SMCHD1: variants seen among roughly 807,000 people sequenced by gnomAD.
The protein encoded by SMCHD1 is structural maintenance of chromosomes flexible hinge domain containing 1, also known as structural maintenance of chromosomes flexible hinge domain-containing protein 1.
Under a neutral mutation model 254.7 loss-of-function variants are expected in SMCHD1, and 78 were observed. That is an observed-to-expected ratio of 0.31 (90% CI 0.26 to 0.37). The LOEUF (loss-of-function observed/expected upper bound fraction) is 0.37. SMCHD1 is among the 10% of genes least tolerant of loss of function. SMCHD1 has a pLI of 1.00. For missense variants in SMCHD1, 1,840 were observed against 2,408.1 expected (o/e 0.76, Z 4.94); for synonymous variants, 766 against 794.9 (o/e 0.96, Z 0.61).
At chr18:2,793,663 AAAAAAAAAG>A (rs935478377) in intron 45 of SMCHD1, among the ~76,000 whole-genome samples, 1 of 143,152 alleles carries the variant, frequency 7.0e-6, no homozygotes, top group African/African-American at 2.6e-5. Context: ...TCTCAAAAAA[AAAAAAAAAG>A]AAAGAAAACA....
At position 2,750,480 on chromosome 18, in the gene SMCHD1, T is replaced by C; in HGVS notation, c.4138T>C (p.Ser1380Pro). The C allele has an allele frequency of 6.2e-7, 1 of 1,606,572 alleles. No homozygotes were observed. The highest frequency in any genetic ancestry group is 8.5e-7 in the Non-Finnish European group (1 of 1,175,964). ...CAATGTTAAATATGACAAAGATGCA[T>C]CCTTCTTAGCAGGGGGTCTTTTCAC... ...RLNVKYDKDASFLAGGLFTDF... is the reference protein window; with the variant it reads ...RLNVKYDKDAPFLAGGLFTDF... The change falls in exon 32 of 48, where the codon TCC becomes CCC. Residue 1380 changes from serine to proline, a missense_variant. Ser to Pro is a moderately conservative substitution (Grantham distance 74, BLOSUM62 -1). This residue lies in a region of SMCHD1 where 881 missense variants were observed against 1,009.5 expected (regional missense o/e 0.87). Transcript: ENST00000320876.
At chr18:2,660,611 T>G (rs1396353969) in intron 1 of SMCHD1, among the ~76,000 whole-genome samples, 1 of 151,772 alleles carries the variant, frequency 6.6e-6, no homozygotes, top group African/African-American at 2.4e-5. Flanking sequence ...ATAGCTGGGA[T>G]TACAGGCACC....
At chr18:2,666,378 T>C (rs890604751) in intron 2 of SMCHD1, 146 bp downstream of exon 2, 2 of 540,740 alleles carry the variant, frequency 3.7e-6, no homozygotes, top group Non-Finnish European at 6.7e-6. Context: ...TGGCTGCATG[T>C]GCATAGTCTG....
At chr18:2,772,150 C>A in intron 40 of SMCHD1, 100 bp from the exon 41 acceptor site, 1 of 981,686 alleles carries the variant, frequency 1.0e-6, no homozygotes, top group Non-Finnish European at 1.3e-6. Context: ...ACTTTATATT[C>A]TTTAGTTATC....
intron 29 of SMCHD1, 76 bp downstream of exon 29, chr18:2,744,004 A>T (rs2143571324): frequency 7.9e-7 from 1 of 1,269,986 alleles, no homozygotes; most frequent in South Asian, 1.7e-5. Context: ...AGTGAATCAG[A>T]ATAGATATAT....
rs533230334 is a variant in SMCHD1 at position 2,672,358 on chromosome 18, C to T, written c.425-923C>T. 5.9e-5 allele frequency among the ~76,000 whole-genome samples: 9 copies of T among 152,234 alleles called. No homozygotes were observed. In the East Asian group the frequency reaches 1.7e-3, roughly 29 times the overall value. On this transcript the variant is annotated intron_variant, in intron 3 of 47. Transcript: ENST00000320876. ...TCTCCTGCCTCAGCCTCCCGAGTAG[C>T]TGGGATTATAGGCACCAGCTACCAC...
chr18:2,787,748 T>C (rs2076262379), intron 45 of SMCHD1, among the ~76,000 whole-genome samples: 1 of 152,210 alleles, frequency 6.6e-6, no homozygotes, highest in South Asian at 2.1e-4. Context: ...TACAGACTAA[T>C]GATTCATTGA....
chr18:2,745,163 T>G (rs2075427623), intron 29 of SMCHD1, among the ~76,000 whole-genome samples: 1 of 152,244 alleles, frequency 6.6e-6, no homozygotes, highest in African/African-American at 2.4e-5. Flanking sequence ...ACTGTTGATG[T>G]GATAGCTAAC....
intron 1 of SMCHD1, among the ~76,000 whole-genome samples, chr18:2,662,190 AAT>A (rs1199439790): frequency 0.16 from 17,609 of 111,480 alleles, 3,197 homozygotes; most frequent in African/African-American, 0.47. Flanking sequence ...AAAATAAATA[AAT>A]AAATAAATAA....
At chr18:2,711,859 T>C (rs1276507459) in intron 17 of SMCHD1, among the ~76,000 whole-genome samples, 1 of 152,184 alleles carries the variant, frequency 6.6e-6, no homozygotes, top group Non-Finnish European at 1.5e-5. Flanking sequence ...ACATCTCTCA[T>C]GAAGGGCTTA....
In SMCHD1 at chr18:2,729,524, G is replaced by A. The variant is rs962645232; in HGVS notation, c.3048+115G>A. ...AACTTCTGAAAATGAGGTATTTGTG[G>A]TTCTTTCAGCCAAAGCAAAGCAAAG... On this transcript the variant is annotated intron_variant, in intron 24 of 47. Coordinates refer to ENST00000320876, the MANE Select transcript of SMCHD1 (RefSeq NM_015295.3). The A allele has an allele frequency of 2.3e-5, 16 of 699,686 alleles. No individual in the cohort carries two copies. In the African/African-American group the frequency reaches 2.6e-4, roughly 11 times the overall value. The allele number at this position is 699,686 out of a possible 1,614,324, so 43.3% of individuals were successfully genotyped here.
At chr18:2,765,996 G>GTTTTCTTTTTTT (rs377381607) in intron 37 of SMCHD1, among the ~76,000 whole-genome samples, 1 of 140,682 alleles carries the variant, frequency 7.1e-6, no homozygotes, top group African/African-American at 2.5e-5. Flanking sequence ...GCTATGTCCA[G>GTTTTCTTTTTTT]TTTTCTTTTT....
At chr18:2,798,759 A>C (rs908677334) in intron 47 of SMCHD1, among the ~76,000 whole-genome samples, 25 of 152,262 alleles carry the variant, frequency 1.6e-4, no homozygotes, top group Admixed American at 1.5e-3. Context: ...CTCTGCTTTT[A>C]TATAGGTTTG....
chr18:2,680,233 T>A lies in SMCHD1; in HGVS notation c.638+6088T>A, dbSNP rs1208212461. ...AACCATACTTTAATATCTTTTTGCATGGCTTGTAATTTTTTATTGAGAACT... is the reference window on the plus strand; with the variant it reads ...AACCATACTTTAATATCTTTTTGCAAGGCTTGTAATTTTTTATTGAGAACT... On this transcript the variant is annotated intron_variant, in intron 5 of 47. Coordinates refer to ENST00000320876, the MANE Select transcript of SMCHD1 (RefSeq NM_015295.3). 2.0e-5 allele frequency among the ~76,000 whole-genome samples: 3 copies of A among 152,236 alleles called. No individual in the cohort carries two copies. The South Asian group carries it at 6.2e-4, about 31-fold the overall frequency.
chr18:2,683,055 A>G (rs769595104), intron 5 of SMCHD1, among the ~76,000 whole-genome samples: 9 of 152,140 alleles, frequency 5.9e-5, no homozygotes, highest in Non-Finnish European at 1.0e-4. Context: ...AGTGGAGAGA[A>G]TTCTTTAGTT....
At chr18:2,694,008 C>T in intron 7 of SMCHD1, among the ~76,000 whole-genome samples, 1 of 152,096 alleles carries the variant, frequency 6.6e-6, no homozygotes, top group South Asian at 2.1e-4. Flanking sequence ...CTACTAACTC[C>T]CTTCCATAAG....
chr18:2,696,936 T>C, intron 8 of SMCHD1, 96 bp from the exon 9 acceptor site: 1 of 577,112 alleles, frequency 1.7e-6, no homozygotes, highest in Middle Eastern at 4.8e-4. Flanking sequence ...AAGTGCTTGA[T>C]ACCTAGTAAA....
At position 2,709,257 on chromosome 18, in the gene SMCHD1, CACAT is replaced by C. The variant is rs1287828236; in HGVS notation, c.2260+1338_2260+1341del. ...GTATATATATATATATATACACACA[CACAT>C]GTATACACATACACCATATTTTGTT... On this transcript the variant is annotated intron_variant, in intron 17 of 47. Coordinates refer to ENST00000320876, the MANE Select transcript of SMCHD1 (RefSeq NM_015295.3). Among the ~76,000 whole-genome samples, 8 of 110,218 alleles carry C rather than the reference CACAT, an allele frequency of 7.3e-5. 1 individual carries two copies. The highest frequency in any genetic ancestry group is 2.0e-4 in the African/African-American group (7 of 34,162). 72.3% of individuals were successfully genotyped at this position (110,218 alleles called of 152,430 possible).
chr18:2,755,995 T>C (rs2075671457), intron 34 of SMCHD1, among the ~76,000 whole-genome samples: 1 of 152,248 alleles, frequency 6.6e-6, no homozygotes, highest in African/African-American at 2.4e-5. Context: ...ATTCCACCAC[T>C]AAGTGTGATG....
Sources: allele counts gnomAD v4.1 joint callset (sites outside exome capture counted in the v4.1 genomes callset), GRCh38; gene constraint gnomAD v4.1.1; regional missense constraint gnomAD v4.1.1; transcripts MANE v1.5; gene names NCBI Gene and HGNC (gene_info 2026-07-23, HGNC 2026-07-21).